CABIN1: variants seen among roughly 807,000 people sequenced by gnomAD.
CABIN1 encodes calcineurin-binding protein cabin-1.
In CABIN1, 133 loss-of-function variants were observed where a neutral mutation model predicts 227.7. The observed-to-expected ratio is 0.58, with a 90% CI of 0.51 to 0.67. The LOEUF is 0.67. Among genes scored for constraint, CABIN1 ranks in the 30% least tolerant of loss-of-function variants. The pLI, the probability that CABIN1 is intolerant of heterozygous loss-of-function variation, is 0.00. For synonymous variants in CABIN1, 1,086 were observed against 1,155.1 expected, an observed-to-expected ratio of 0.94 and a Z score of 1.21; for missense variants, 2,408 against 2,852.5, an observed-to-expected ratio of 0.84 and a Z score of 3.55.
chr22:24,085,017 C>A lies in CABIN1; in HGVS notation c.3129C>A (p.Leu1043=). Residue 1043 remains leucine, a synonymous_variant, in exon 22 of 37, where the codon CTC becomes CTA. Transcript: ENST00000263119. ...IEGTSTEVPC[L]PEGADPSPPV... is the part of the protein sequence containing the mutation. ...CTCTCACCTGCCAGGTACCCTGCCT[C>A]CCAGAGGGGGCTGACCCCTCCCCTC... The A allele has an allele frequency of 6.2e-7, 1 of 1,614,246 alleles. No individual in the cohort carries two copies. Among genetic ancestry groups the A allele is most frequent in the Non-Finnish European group, 8.5e-7 (1 of 1,180,044 alleles).
intron 29 of CABIN1, among the ~76,000 whole-genome samples, chr22:24,153,471 T>C (rs1234716998): frequency 2.0e-5 from 3 of 152,126 alleles, no homozygotes; most frequent in African/African-American, 7.2e-5. Flanking sequence ...GCCCAGAGAA[T>C]CCTCAAGGAT....
At chr22:24,160,877 C>G (rs1014253073) in intron 29 of CABIN1, among the ~76,000 whole-genome samples, 1 of 152,238 alleles carries the variant, frequency 6.6e-6, no homozygotes, top group Non-Finnish European at 1.5e-5. Flanking sequence ...CAGGCTGGCC[C>G]GGCAGCATCC....
chr22:24,070,786 T>C lies in CABIN1; in HGVS notation c.2233-14T>C. On this transcript the variant is annotated splice_polypyrimidine_tract_variant and intron_variant, in intron 16 of 36. Transcript: ENST00000263119. ...AGCTCACCGTGCACTTCACCTGGCT[T>C]CTTGCTGTACTAGGACTCCTTGCTC... 1 of 1,614,138 alleles carries C rather than the reference T, an allele frequency of 6.2e-7. No homozygotes were observed. The highest frequency in any genetic ancestry group is 8.5e-7 in the Non-Finnish European group (1 of 1,180,012).
At chr22:24,165,482 G>A (rs375975998) in intron 30 of CABIN1, 48 bp from the exon 31 acceptor site, 187 of 1,512,768 alleles carry the variant, frequency 1.2e-4, no homozygotes, top group Non-Finnish European at 1.6e-4. Flanking sequence ...GTGCCATGTG[G>A]TGTCAGATGC....
Position 24,049,872 on chromosome 22 carries a change from C to T in CABIN1, c.656+652C>T, listed in dbSNP as rs556525035. 6.6e-5 allele frequency among the ~76,000 whole-genome samples: 10 copies of T among 152,272 alleles called. 1 individual carries two copies. The East Asian group carries it at 7.7e-4, about 12-fold the overall frequency. Reference sequence around the variant, plus strand: ...CTGTCCCGCCATTGCCCCTCCTTTGCCAGGTGTCTTCCCACAGACACACTT... The same window carrying T: ...CTGTCCCGCCATTGCCCCTCCTTTGTCAGGTGTCTTCCCACAGACACACTT... On this transcript the variant is annotated intron_variant, in intron 7 of 36. Transcript: ENST00000263119.
intron 6 of CABIN1, among the ~76,000 whole-genome samples, chr22:24,044,671 G>A (rs2037704565): frequency 6.6e-6 from 1 of 152,104 alleles, no homozygotes; most frequent in Admixed American, 6.6e-5. Flanking sequence ...CAATTTTATT[G>A]CTCACAAGTT....
In CABIN1 at chr22:24,119,482, A is replaced by C. The variant is rs372771026; in HGVS notation, c.4416A>C (p.Ala1472=). The C allele has an allele frequency of 1.9e-6, 3 of 1,613,980 alleles. No individual in the cohort carries two copies. The highest frequency in any genetic ancestry group is 2.5e-6 in the Non-Finnish European group (3 of 1,180,028). ...CTTGCATCCCTGGCAAGCCCTCAGC[A>C]TCCACACCCACCCTGTGGGATGGGA... ...ASACIPGKPS[A]STPTLWDGKK... Residue 1472 remains alanine (A), a synonymous_variant, in exon 28 of 37, where the codon GCA becomes GCC. Coordinates refer to ENST00000263119, the MANE Select transcript of CABIN1 (RefSeq NM_012295.4).
At chr22:24,019,179 G>A (rs1299193330) in intron 1 of CABIN1, among the ~76,000 whole-genome samples, 1 of 139,068 alleles carries the variant, frequency 7.2e-6, no homozygotes, top group South Asian at 2.3e-4. Context: ...CGCCCAGGCT[G>A]GAGTGCAGTG....
rs1380755253 is a variant in CABIN1, at chr22:24,056,368, G to GT, written c.1262+9dup. The stretch of plus-strand genomic sequence containing the variant: ...GAAGTTCTTGCCGTCCAGGTACTGT[G>GT]TATTTTTTCTGATTGTCAGAAACAA... On this transcript the variant is annotated intron_variant, in intron 10 of 36. Transcript: ENST00000263119. The GT allele has an allele frequency of 6.2e-7, 1 of 1,613,702 alleles. No homozygotes were observed. Among genetic ancestry groups the GT allele is most frequent in the East Asian group, 2.2e-5 (1 of 44,878 alleles).
chr22:24,015,534 C>T lies in CABIN1; in HGVS notation c.-75+4167C>T, dbSNP rs1244161976. On this transcript the variant is annotated intron_variant, in intron 1 of 36. Transcript: ENST00000263119. Reference sequence around the variant, plus strand: ...TAATTTTTTGTATTTTTAGTAGAGACGGGGTTTCACCGTGTTAGCCAGGAT... The same window carrying T: ...TAATTTTTTGTATTTTTAGTAGAGATGGGGTTTCACCGTGTTAGCCAGGAT... Among the ~76,000 whole-genome samples the T allele has an allele frequency of 4.6e-5, 7 of 151,412 alleles. No homozygotes were observed. The East Asian group carries it at 1.2e-3, about 27-fold the overall frequency.
At chr22:24,048,013 C>A (rs1487365183) in intron 6 of CABIN1, among the ~76,000 whole-genome samples, 1 of 152,194 alleles carries the variant, frequency 6.6e-6, no homozygotes, top group Non-Finnish European at 1.5e-5. Flanking sequence ...CATGCCATCC[C>A]ATTTTTTTCT....
At chr22:24,062,477 C>G (rs761451150) in intron 13 of CABIN1, among the ~76,000 whole-genome samples, 3 of 151,436 alleles carry the variant, frequency 2.0e-5, no homozygotes, top group Admixed American at 6.6e-5. Flanking sequence ...CCCATATCAG[C>G]CTCCCGAGGA....
At chr22:24,142,823 CA>C (rs2044853338) in intron 29 of CABIN1, among the ~76,000 whole-genome samples, 1 of 152,204 alleles carries the variant, frequency 6.6e-6, no homozygotes, top group Admixed American at 6.5e-5. Context: ...TACCTTCTCT[CA>C]TCAGGGCCAG....
At chr22:24,101,493 C>T (rs959415749) in intron 26 of CABIN1, among the ~76,000 whole-genome samples, 41 of 152,192 alleles carry the variant, frequency 2.7e-4, no homozygotes, top group African/African-American at 9.7e-4. Context: ...TCTACCGCAG[C>T]CTGGTGTCAA....
chr22:24,173,414 C>G (rs1311747173), intron 34 of CABIN1: 1 of 152,210 alleles, frequency 6.6e-6, no homozygotes, highest in Non-Finnish European at 1.5e-5. Flanking sequence ...CATCCTCTAG[C>G]CCAGTCAGCC....
rs555337765 is a variant in CABIN1, at chr22:24,035,991, T to A, written c.4-98T>A. The A allele has an allele frequency of 1.7e-5, 14 of 835,162 alleles. No individual in the cohort carries two copies. The Admixed American group carries it at 2.4e-4, about 14-fold the overall frequency. 51.7% of individuals were successfully genotyped at this position (835,162 alleles called of 1,614,324 possible). The stretch of plus-strand genomic sequence containing the variant: ...TCATAGCTTTTCAAGGTAGAATAGA[T>A]CATATGCTGGAGCAGAATTGTATTC... On this transcript the variant is annotated intron_variant, in intron 2 of 36. Coordinates refer to ENST00000263119, the MANE Select transcript of CABIN1 (RefSeq NM_012295.4).
chr22:24,021,145 G>A (rs374634077), intron 1 of CABIN1, among the ~76,000 whole-genome samples: 2 of 151,848 alleles, frequency 1.3e-5, no homozygotes, highest in African/African-American at 2.4e-5. Flanking sequence ...GACTACAGGT[G>A]CATATCACCA....
intron 18 of CABIN1, 147 bp downstream of exon 18, chr22:24,072,657 A>G (rs2040175991): frequency 1.0e-6 from 1 of 988,104 alleles, no homozygotes. Context: ...GCTTGGACAG[A>G]GGCAGAAGTG....
At chr22:24,074,226 A>G (rs376161645) in intron 18 of CABIN1, among the ~76,000 whole-genome samples, 1 of 152,194 alleles carries the variant, frequency 6.6e-6, no homozygotes, top group South Asian at 2.1e-4. Context: ...TTAATTATGC[A>G]AACAAAAATT....
Sources: gnomAD v4.1 joint callset for allele counts (sites outside exome capture counted in the v4.1 genomes callset) on GRCh38, gnomAD v4.1.1 for gene constraint, MANE v1.5 for transcripts, NCBI Gene and HGNC (gene_info 2026-07-23, HGNC 2026-07-21) for gene names.